Variants in GALNTL6 observed in about 807,000 individuals in gnomAD.
GALNTL6 encodes polypeptide N-acetylgalactosaminyltransferase like 6.
GALNTL6 carries 46 observed loss-of-function variants against 73.7 expected under a neutral mutation model. That is an observed-to-expected ratio of 0.62 (90% CI 0.49 to 0.80). The LOEUF is 0.80. Among genes scored for constraint, GALNTL6 ranks in the 30% least tolerant of loss-of-function variants. The probability of loss-of-function intolerance (pLI) is 0.00; values close to 1 mark genes in which losing one functional copy is unlikely to be tolerated. For missense variants in GALNTL6, 604 were observed against 755.0 expected (o/e 0.80, Z 2.34); for synonymous variants, 259 against 263.7 (o/e 0.98, Z 0.17).
chr4:172,674,541 G>A (rs1021368283), intron 5 of GALNTL6, among the ~76,000 whole-genome samples: 2 of 152,084 alleles, frequency 1.3e-5, no homozygotes, highest in Non-Finnish European at 2.9e-5. Flanking sequence ...TACCATGAAT[G>A]CTATTCTAAA....
chr4:171,974,870 G>T (rs1739674282), intron 2 of GALNTL6, among the ~76,000 whole-genome samples: 1 of 152,120 alleles, frequency 6.6e-6, no homozygotes, highest in South Asian at 2.1e-4. Context: ...GATATGTTAT[G>T]GTTGTAACAG....
At chr4:172,454,696 A>G (rs1732327660) in intron 5 of GALNTL6, among the ~76,000 whole-genome samples, 1 of 152,202 alleles carries the variant, frequency 6.6e-6, no homozygotes, top group Admixed American at 6.5e-5. Context: ...ACAACTGTCA[A>G]TCACACCAGA....
At chr4:172,206,586 C>G (rs1241307404) in intron 2 of GALNTL6, among the ~76,000 whole-genome samples, 1 of 151,918 alleles carries the variant, frequency 6.6e-6, no homozygotes, top group Non-Finnish European at 1.5e-5. Flanking sequence ...AGGGCACCTA[C>G]TTTGGAGAAG....
chr4:172,383,779 G>T (rs957380335), intron 5 of GALNTL6, among the ~76,000 whole-genome samples: 5 of 152,024 alleles, frequency 3.3e-5, no homozygotes, highest in Admixed American at 6.6e-5. Context: ...ATCGGGTTCA[G>T]GAGTTCCCTT....
At chr4:172,194,972 AAATACCCC>A (rs1385163525) in intron 2 of GALNTL6, among the ~76,000 whole-genome samples, 1 of 152,188 alleles carries the variant, frequency 6.6e-6, no homozygotes, top group African/African-American at 2.4e-5. Context: ...AAAATGCACT[AAATACCCC>A]AATTAAAAAG....
At chr4:172,598,506 G>A (rs1301277471) in intron 5 of GALNTL6, among the ~76,000 whole-genome samples, 1 of 152,134 alleles carries the variant, frequency 6.6e-6, no homozygotes, top group African/African-American at 2.4e-5. Flanking sequence ...GCAGAGCCCA[G>A]TGCCAGTTTG....
chr4:172,313,733 A>C (rs562548731), intron 4 of GALNTL6, among the ~76,000 whole-genome samples: 1 of 152,346 alleles, frequency 6.6e-6, no homozygotes. Context: ...ATAATATTCC[A>C]ACTTAGTTAC....
At chr4:172,916,680 G>T (rs187651627) in intron 8 of GALNTL6, among the ~76,000 whole-genome samples, 9 of 151,918 alleles carry the variant, frequency 5.9e-5, no homozygotes, top group Non-Finnish European at 1.3e-4. Flanking sequence ...CCTAGGAATC[G>T]AACTTACAAG....
intron 3 of GALNTL6, among the ~76,000 whole-genome samples, chr4:172,270,014 G>T (rs1051855988): frequency 6.6e-6 from 1 of 152,134 alleles, no homozygotes; most frequent in Non-Finnish European, 1.5e-5. Context: ...GGGATTACAG[G>T]TATGAGCCAC....
intron 5 of GALNTL6, among the ~76,000 whole-genome samples, chr4:172,602,350 C>G (rs1738090729): frequency 6.6e-6 from 1 of 151,754 alleles, no homozygotes; most frequent in Admixed American, 6.6e-5. Flanking sequence ...TAAAACAAAA[C>G]TTTAAAACAA....
rs1738157720 is a variant in GALNTL6 at position 172,258,525 on chromosome 4, T to G, written c.247+28761T>G. On this transcript the variant is annotated intron_variant, in intron 3 of 12. Transcript: ENST00000506823. ...TTACTATTGTCCTCCATTCTTTTCC[T>G]TCTGAAATTCCAGTTTATATATATC... 2.0e-5 allele frequency among the ~76,000 whole-genome samples: 3 copies of G among 151,342 alleles called. No individual in the cohort carries two copies. The Admixed American group carries it at 2.0e-4, about 10-fold the overall frequency.
chr4:172,388,874 C>A (rs1743566660), intron 5 of GALNTL6, among the ~76,000 whole-genome samples: 1 of 152,038 alleles, frequency 6.6e-6, no homozygotes, highest in African/African-American at 2.4e-5. Context: ...AAAATGAAAT[C>A]ATGATCTATA....
Position 172,594,112 on chromosome 4 carries a change from C to T in GALNTL6, c.554-215249C>T, listed in dbSNP as rs535996422. 1.8e-4 allele frequency among the ~76,000 whole-genome samples: 28 copies of T among 152,052 alleles called. No individual in the cohort carries two copies. The South Asian group carries it at 5.2e-3, about 28-fold the overall frequency. ...CTGTAATCTCAGCACTTTGGGAGGC[C>T]GAGGCGGGTGGATCACGAGGTCAGG... On this transcript the variant is annotated intron_variant, in intron 5 of 12. Coordinates refer to ENST00000506823, the MANE Select transcript of GALNTL6 (RefSeq NM_001034845.3).
chr4:172,328,701 C>T (rs1450621338), intron 4 of GALNTL6, among the ~76,000 whole-genome samples: 1 of 152,154 alleles, frequency 6.6e-6, no homozygotes, highest in African/African-American at 2.4e-5. Context: ...CTGGCTATTG[C>T]ATTGAGAAAT....
chr4:173,014,454 G>A (rs1003728000), intron 11 of GALNTL6, among the ~76,000 whole-genome samples: 15 of 152,170 alleles, frequency 9.9e-5, no homozygotes, highest in African/African-American at 3.6e-4. Flanking sequence ...AAGTGTTGCA[G>A]CCCAGCTTTC....
At chr4:172,751,057 G>A (rs1177302925) in intron 5 of GALNTL6, among the ~76,000 whole-genome samples, 1 of 152,082 alleles carries the variant, frequency 6.6e-6, no homozygotes, top group African/African-American at 2.4e-5. Flanking sequence ...TTCTTTCAAA[G>A]CATCCTACAT....
At chr4:172,297,985 C>G (rs949469579) in intron 3 of GALNTL6, among the ~76,000 whole-genome samples, 5 of 152,210 alleles carry the variant, frequency 3.3e-5, no homozygotes, top group African/African-American at 1.2e-4. Context: ...TACCCATGAG[C>G]ATGGAATGTT....
In GALNTL6 at chr4:172,356,126, C is replaced by T. The variant is rs563589486; in HGVS notation, c.553+7437C>T. Among the ~76,000 whole-genome samples, 11 of 152,254 alleles carry T rather than the reference C, an allele frequency of 7.2e-5. No individual in the cohort carries two copies. The South Asian group carries it at 1.9e-3, about 26-fold the overall frequency. On this transcript the variant is annotated intron_variant, in intron 5 of 12. Coordinates refer to ENST00000506823, the MANE Select transcript of GALNTL6 (RefSeq NM_001034845.3). ...TTTTAGAAGCAAAACTGTTACAGCT[C>T]ACCAACGTCACAAAGGCATGACTTC...
At chr4:172,230,106 T>C (rs836326) in intron 3 of GALNTL6, among the ~76,000 whole-genome samples, 77,781 of 151,924 alleles carry the variant, frequency 0.51, 21,783 homozygotes, top group East Asian at 0.86. Context: ...ATTGACTCCT[T>C]AGAGCTGAAG....
Sources: allele counts gnomAD v4.1 joint callset (sites outside exome capture counted in the v4.1 genomes callset), GRCh38; gene constraint gnomAD v4.1.1; transcripts MANE v1.5; gene names NCBI Gene and HGNC (gene_info 2026-07-23, HGNC 2026-07-21).